ARHGAP26: variants seen among roughly 807,000 people sequenced by gnomAD.
ARHGAP26 encodes Rho GTPase activating protein 26, also known as rho GTPase-activating protein 26.
Under a neutral mutation model 104.8 loss-of-function variants are expected in ARHGAP26, and 38 were observed. The ratio of observed to expected loss-of-function variants is 0.36; its 90% CI spans 0.28 to 0.48. ARHGAP26 has a LOEUF of 0.48. ARHGAP26 is among the 20% of genes least tolerant of loss of function. ARHGAP26 has a pLI of 0.99. For synonymous variants in ARHGAP26, 341 were observed against 340.0 expected (o/e 1.00, Z -0.03); for missense variants, 704 against 947.9 (o/e 0.74, Z 3.38).
chr5:143,145,773 C>T (rs906227040), intron 19 of ARHGAP26, among the ~76,000 whole-genome samples: 1 of 152,156 alleles, frequency 6.6e-6, no homozygotes, highest in Non-Finnish European at 1.5e-5. Flanking sequence ...GAGCTAGCCT[C>T]ACAGGGTTTT....
chr5:143,130,911 A>G (rs1161991051), intron 18 of ARHGAP26, among the ~76,000 whole-genome samples: 3 of 152,212 alleles, frequency 2.0e-5, no homozygotes, highest in Non-Finnish European at 4.4e-5. Flanking sequence ...TGATAATCAC[A>G]TGTCTGGCAC....
At chr5:143,030,921 A>G (rs1182664304) in intron 12 of ARHGAP26, among the ~76,000 whole-genome samples, 1 of 152,248 alleles carries the variant, frequency 6.6e-6, no homozygotes, top group East Asian at 1.9e-4. Context: ...AATCACACAT[A>G]TCAGTGTAAA....
chr5:143,104,369 C>T (rs955308114), intron 17 of ARHGAP26, among the ~76,000 whole-genome samples: 2 of 151,890 alleles, frequency 1.3e-5, no homozygotes, highest in African/African-American at 4.8e-5. Flanking sequence ...AATTACCCTG[C>T]AGGTAGTGGC....
chr5:143,164,736 T>A (rs1408420595), intron 20 of ARHGAP26, among the ~76,000 whole-genome samples: 4 of 152,200 alleles, frequency 2.6e-5, no homozygotes, highest in African/African-American at 9.7e-5. Context: ...ATAACCTGAG[T>A]GTTCCTGATG....
intron 12 of ARHGAP26, among the ~76,000 whole-genome samples, chr5:143,027,604 A>G (rs1781251090): frequency 6.6e-6 from 1 of 152,206 alleles, no homozygotes; most frequent in African/African-American, 2.4e-5. Flanking sequence ...TATGTGTGAT[A>G]AATCAGTAGA....
intron 4 of ARHGAP26, among the ~76,000 whole-genome samples, chr5:142,881,375 T>A (rs1216269192): frequency 6.6e-6 from 1 of 152,158 alleles, no homozygotes; most frequent in Non-Finnish European, 1.5e-5. Flanking sequence ...CCTTTGGGCT[T>A]GATACCAGTG....
intron 20 of ARHGAP26, among the ~76,000 whole-genome samples, chr5:143,191,918 G>C (rs1236340368): frequency 6.6e-6 from 1 of 152,166 alleles, no homozygotes; most frequent in East Asian, 1.9e-4. Flanking sequence ...ACCAGAATGA[G>C]AGCTGTACCG....
At chr5:143,106,838 T>C (rs567862965) in intron 17 of ARHGAP26, among the ~76,000 whole-genome samples, 1 of 152,226 alleles carries the variant, frequency 6.6e-6, no homozygotes, top group East Asian at 1.9e-4. Context: ...ATACAACTTA[T>C]TATTGCCTAG....
chr5:143,148,681 G>T (rs1035426999), intron 20 of ARHGAP26, among the ~76,000 whole-genome samples: 2 of 152,166 alleles, frequency 1.3e-5, no homozygotes, highest in African/African-American at 2.4e-5. Flanking sequence ...AGTCTCTTCC[G>T]GTTCTCCATG....
intron 9 of ARHGAP26, among the ~76,000 whole-genome samples, chr5:142,910,554 C>A (rs1015967554): frequency 6.6e-6 from 1 of 152,076 alleles, no homozygotes; most frequent in Admixed American, 6.5e-5. Context: ...GCCTGGGCAA[C>A]ATGGTGAAAC....
chr5:142,829,540 A>G (rs1288920070), intron 1 of ARHGAP26, among the ~76,000 whole-genome samples: 1 of 152,214 alleles, frequency 6.6e-6, no homozygotes, highest in African/African-American at 2.4e-5. Flanking sequence ...AGCAGAGGGC[A>G]CCTCACATCA....
chr5:143,120,992 G>T lies in ARHGAP26; in HGVS notation c.1543G>T (p.Ala515Ser). The T allele has an allele frequency of 6.2e-7, 1 of 1,612,278 alleles. No homozygotes were observed. Among genetic ancestry groups the T allele is most frequent in the Non-Finnish European group, 8.5e-7 (1 of 1,178,942 alleles). ...TTTTCTTTTCCTTCCTCCCAGTGTT[G>T]CTAACAACCACAAGCAGAATTTGAT... ...QLLMNHLANV[A>S]NNHKQNLMTV... Residue 515 changes from alanine to serine, a missense_variant, in exon 18 of 23, where the codon GCT (alanine) becomes TCT (serine). Coordinates refer to ENST00000645722, the MANE Select transcript of ARHGAP26 (RefSeq NM_001135608.3).
chr5:142,885,257 CGT>C (rs775003298), intron 4 of ARHGAP26, 39 bp from the exon 5 acceptor site: 25 of 1,545,034 alleles, frequency 1.6e-5, no homozygotes, highest in Middle Eastern at 1.7e-4. Context: ...ATTCCTGCAA[CGT>C]GTTACTCTTT....
intron 11 of ARHGAP26, among the ~76,000 whole-genome samples, chr5:143,012,576 T>TA (rs1554195628): frequency 0.11 from 6,146 of 56,378 alleles, 1,255 homozygotes; most frequent in African/African-American, 0.23. Context: ...TATATATATA[T>TA]TATGATCAGG....
At chr5:143,180,082 T>C (rs2151183540) in intron 20 of ARHGAP26, among the ~76,000 whole-genome samples, 1 of 152,302 alleles carries the variant, frequency 6.6e-6, no homozygotes, top group South Asian at 2.1e-4. Context: ...TCCTTTCCCC[T>C]TAAGAGTTCT....
rs181010053 is a variant in ARHGAP26 at position 142,871,043 on chromosome 5, C to T, written c.155-2357C>T. On this transcript the variant is annotated intron_variant, in intron 1 of 22. Transcript: ENST00000645722. The surrounding 1 kb of genome is among the most constrained non-coding windows in gnomAD (Gnocchi z 4.1). Reference sequence around the variant, plus strand: ...TCAGGTCCATTCATCAGGATTCTCGCTCTACCCAGCTTTCCTCATTGGCTT... The same window carrying T: ...TCAGGTCCATTCATCAGGATTCTCGTTCTACCCAGCTTTCCTCATTGGCTT... 1.5e-3 allele frequency among the ~76,000 whole-genome samples: 232 copies of T among 152,326 alleles called. 2 individuals are homozygous for T. Among genetic ancestry groups the T allele is most frequent in the Admixed American group, 0.015 (228 of 15,304 alleles).
intron 17 of ARHGAP26, among the ~76,000 whole-genome samples, chr5:143,089,449 TG>T: frequency 6.6e-6 from 1 of 152,380 alleles, no homozygotes; most frequent in East Asian, 1.9e-4. Flanking sequence ...GCTAACTCAT[TG>T]GACAGAGCAG....
intron 1 of ARHGAP26, among the ~76,000 whole-genome samples, chr5:142,779,309 T>C (rs1204352235): frequency 6.6e-6 from 1 of 152,106 alleles, no homozygotes; most frequent in Non-Finnish European, 1.5e-5. Flanking sequence ...TCATGGCATG[T>C]TTGTGTCTGG....
intron 1 of ARHGAP26, among the ~76,000 whole-genome samples, chr5:142,825,528 C>T (rs1248899986): frequency 6.6e-6 from 1 of 152,206 alleles, no homozygotes; most frequent in South Asian, 2.1e-4. Flanking sequence ...TTGGGGACTG[C>T]CTGAGTGTCG....
Sources: gnomAD v4.1 joint callset for allele counts (sites outside exome capture counted in the v4.1 genomes callset) on GRCh38, gnomAD v4.1.1 for gene constraint, Gnocchi (gnomAD v3.1) non-coding constraint, MANE v1.5 for transcripts, NCBI Gene and HGNC (gene_info 2026-07-23, HGNC 2026-07-21) for gene names.